Variants in MYBPH observed in about 807,000 individuals in gnomAD.
MYBPH encodes the protein myosin binding protein H, also known as myosin-binding protein H.
In MYBPH, 49 loss-of-function variants were observed where a neutral mutation model predicts 53.6. The observed-to-expected ratio is 0.91, with a 90% CI of 0.73 to 1.16. MYBPH has a LOEUF of 1.16. MYBPH is among the 50% of genes most tolerant of loss of function. MYBPH has a pLI of 0.00. For synonymous variants in MYBPH, 239 were observed against 249.6 expected (o/e 0.96, Z 0.40); for missense variants, 558 against 624.1 (o/e 0.89, Z 1.13).
intron 6 of MYBPH, 116 bp from the exon 7 acceptor site, chr1:203,170,566 A>C: frequency 7.3e-7 from 1 of 1,364,848 alleles, no homozygotes; most frequent in Non-Finnish European, 9.9e-7. Context: ...AGGATGCTGA[A>C]CCATCCAGCT....
chr1:203,169,518 A>C (rs1655655921), intron 7 of MYBPH, 129 bp from the exon 8 acceptor site: 294 of 1,300,126 alleles, frequency 2.3e-4, no homozygotes, highest in Non-Finnish European at 2.8e-4. Context: ...GGACAATCTC[A>C]AAGAGGCAGA....
intron 8 of MYBPH, 40 bp from the exon 9 acceptor site, chr1:203,169,132 C>T: frequency 6.2e-7 from 1 of 1,606,804 alleles, no homozygotes; most frequent in Non-Finnish European, 8.5e-7. Context: ...GAGGTATGGA[C>T]TGGGGCGGGG....
rs12070378 is a variant in MYBPH at position 203,171,426 on chromosome 1, C to G, written c.750G>C (p.Val250=). 7.0e-4 allele frequency: 1,128 copies of G among 1,613,960 alleles called. 4 individuals carry two copies. The African/African-American group carries it at 8.3e-3, about 12-fold the overall frequency. The part of the protein sequence containing the change: ...DSGRYELTVR[V]EDLEAKAVID... ...TGACTGCCTTGGCCTCCAGGTCTTC[C>G]ACGCGCACAGTGAGCTCGTAGCGGC... Residue 250 remains valine (V), a synonymous_variant, in exon 5 of 11, where the codon GTG becomes GTC. Coordinates refer to ENST00000255416, the MANE Select transcript of MYBPH (RefSeq NM_004997.3). The surrounding 1 kb of genome is among the most constrained non-coding windows in gnomAD (Gnocchi z 4.2).
chr1:203,174,593 C>G lies in MYBPH; in HGVS notation c.345G>C (p.Ser115=). 6.3e-7 allele frequency: 1 copy of G among 1,599,356 alleles called. No homozygotes were observed. Among genetic ancestry groups the G allele is most frequent in the East Asian group, 2.3e-5 (1 of 44,432 alleles). ...GCCGGGCACTCACAGGCACCCACTC[C>G]GAGGCTGAGGGGATGGAGAGAGTGT... ...YVLELCREGA[S]EWVPVSARPM... The change falls in exon 3 of 11, where the codon TCG becomes TCC. Residue 115 remains serine (S), a synonymous_variant. Coordinates refer to ENST00000255416, the MANE Select transcript of MYBPH (RefSeq NM_004997.3).
At chr1:203,170,209 CAGAG>C (rs1428548538) in intron 7 of MYBPH, 78 bp downstream of exon 7, 1 of 1,548,186 alleles carries the variant, frequency 6.5e-7, no homozygotes, top group Non-Finnish European at 8.8e-7. Flanking sequence ...AGGAGAAACC[CAGAG>C]AGAGGGGTGC....
chr1:203,170,865 C>T (rs1655680954), intron 6 of MYBPH, among the ~76,000 whole-genome samples, 196 bp downstream of exon 6: 1 of 152,220 alleles, frequency 6.6e-6, no homozygotes, highest in African/African-American at 2.4e-5. Flanking sequence ...CCGGGCCAGC[C>T]CTCTTCACAG....
In MYBPH at chr1:203,169,357, G is replaced by A. The variant is rs142613512; in HGVS notation, c.1126C>T (p.Arg376Ter). Residue 376 changes from arginine to a stop codon, truncating the protein, a stop_gained, in exon 8 of 11, where the codon CGA (arginine) becomes TGA (stop). Coordinates refer to ENST00000255416, the MANE Select transcript of MYBPH (RefSeq NM_004997.3). LOFTEE classifies it high-confidence loss of function. Reference protein sequence around the residue: ...IAAKPKGFIERDFSEAPSFTQ... With the variant: ...IAAKPKGFIE ...AATGAGGGGGCTTCTGAGAAGTCTC[G>A]CTCAATAAACCCTTTAGGTTTGGCA... The A allele has an allele frequency of 1.9e-5, 30 of 1,597,458 alleles. No individual in the cohort carries two copies. Among genetic ancestry groups the A allele is most frequent in the Middle Eastern group, 1.6e-4 (1 of 6,074 alleles).
In MYBPH at chr1:203,175,667, G is replaced by A; in HGVS notation, c.89C>T (p.Pro30Leu). 1 of 1,614,146 alleles carries A rather than the reference G, an allele frequency of 6.2e-7. No homozygotes were observed. The highest frequency in any genetic ancestry group is 8.5e-7 in the Non-Finnish European group (1 of 1,180,020). Residue 30 changes from proline (P) to leucine (L), a missense_variant, in exon 1 of 11, where the codon CCC becomes CTC. Transcript: ENST00000255416. The stretch of plus-strand genomic sequence containing the variant: ...GGACTCTGATACTGCCACTTCTCCG[G>A]GAGGCTCTGCTGTGGGCACCTTGGC... ...ESAKVPTAEP[P>L]GEVAVSESTR...
intron 6 of MYBPH, 113 bp from the exon 7 acceptor site, chr1:203,170,563 T>C: frequency 7.3e-7 from 1 of 1,376,566 alleles, no homozygotes; most frequent in Non-Finnish European, 9.8e-7. Context: ...CTTAGGATGC[T>C]GAACCATCCA....
chr1:203,168,886 TC>T lies in MYBPH; in HGVS notation c.1417+19del. On this transcript the variant is annotated intron_variant, in intron 9 of 10. Transcript: ENST00000255416. ...TCCAGAGAGGTGCTTACTCCTGTTC[TC>T]CCGTCCTCAAACTCTCACCTTTGAC... The T allele has an allele frequency of 6.2e-7, 1 of 1,613,200 alleles. No homozygotes were observed. The highest frequency in any genetic ancestry group is 8.5e-7 in the Non-Finnish European group (1 of 1,179,614).
At chr1:203,168,792 C>G in intron 9 of MYBPH, 114 bp downstream of exon 9, 2 of 1,585,604 alleles carry the variant, frequency 1.3e-6, no homozygotes, top group Non-Finnish European at 1.7e-6. Flanking sequence ...ATCAGCACAG[C>G]CTGACCCCAG....
At position 203,169,383 on chromosome 1, in the gene MYBPH, G is replaced by A. The variant is rs1245563065; in HGVS notation, c.1100C>T (p.Ala367Val). 6.4e-7 allele frequency: 1 copy of A among 1,569,822 alleles called. No individual in the cohort carries two copies. The highest frequency in any genetic ancestry group is 1.2e-5 in the South Asian group (1 of 86,410). Reference sequence around the variant, plus strand: ...CTCAATAAACCCTTTAGGTTTGGCAGCAATATCTGGGTTCAGGGGAGAAAG... The same window carrying A: ...CTCAATAAACCCTTTAGGTTTGGCAACAATATCTGGGTTCAGGGGAGAAAG... ...ELAHIQKADI[A>V]AKPKGFIERD... The change falls in exon 8 of 11, where the codon GCT becomes GTT. Residue 367 changes from alanine (A) to valine (V), a missense_variant. Physicochemically the swap from Ala to Val is moderately conservative, Grantham distance 64 (BLOSUM62 0). Transcript: ENST00000255416.
rs141623602 is a variant in MYBPH at position 203,172,867 on chromosome 1, C to T, written c.509-827G>A. Among the ~76,000 whole-genome samples, 411 of 152,164 alleles carry T rather than the reference C, an allele frequency of 2.7e-3. 1 individual carries two copies. The highest frequency in any genetic ancestry group is 4.7e-3 in the Non-Finnish European group (318 of 67,994). On this transcript the variant is annotated intron_variant, in intron 3 of 10. Transcript: ENST00000255416. The stretch of plus-strand genomic sequence containing the variant: ...AGCAGTTGGTTGGTGGCATGCAGGG[C>T]GGAGGAGGACAAGACAGTGAGAAGG...
At position 203,171,046 on chromosome 1, in the gene MYBPH, C is replaced by T. The variant is rs377409862; in HGVS notation, c.933+15G>A. 6.4e-7 allele frequency: 1 copy of T among 1,566,468 alleles called. No homozygotes were observed. The highest frequency in any genetic ancestry group is 8.6e-7 in the Non-Finnish European group (1 of 1,158,476). On this transcript the variant is annotated intron_variant, in intron 6 of 10. Transcript: ENST00000255416. This position sits in a 1 kb window ranked among gnomAD's most constrained non-coding sequence, Gnocchi z 4.2. Reference sequence around the variant, plus strand: ...ACTTCGTACCCCGACCCCACTTTGCCTCAGCCAGCCTCACCCCTGTCTTTT... The same window carrying T: ...ACTTCGTACCCCGACCCCACTTTGCTTCAGCCAGCCTCACCCCTGTCTTTT...
intron 6 of MYBPH, 51 bp from the exon 7 acceptor site, chr1:203,170,501 C>T: frequency 6.3e-7 from 1 of 1,586,586 alleles, no homozygotes; most frequent in Non-Finnish European, 8.6e-7. Context: ...CCTCACCCTC[C>T]CTGCTTACCC....
At chr1:203,179,019 G>C (rs1655869173), upstream of MYBPH, 1 of 159,140 alleles carries the variant, frequency 6.3e-6, no homozygotes. Context: ...CTAAGTGAAG[G>C]TTTCAAGCTG....
Position 203,171,330 on chromosome 1 carries a change from G to A in MYBPH, c.793+53C>T. 3 of 1,578,590 alleles carry A rather than the reference G, an allele frequency of 1.9e-6. No individual in the cohort carries two copies. The highest frequency in any genetic ancestry group is 2.6e-6 in the Non-Finnish European group (3 of 1,159,100). ...ATCAGCCATCAGCTCTGGGATAGGA[G>A]GTTGGGGGCTCCAGGTCCCCCATGA... is the stretch of plus-strand genomic sequence containing the variant. On this transcript the variant is annotated intron_variant, in intron 5 of 10. Coordinates refer to ENST00000255416, the MANE Select transcript of MYBPH (RefSeq NM_004997.3). The surrounding 1 kb of genome is among the most constrained non-coding windows in gnomAD (Gnocchi z 4.2).
chr1:203,175,432 G>T lies in MYBPH; in HGVS notation c.235C>A (p.Leu79Met). 2 of 1,568,312 alleles carry T rather than the reference G, an allele frequency of 1.3e-6. No individual in the cohort carries two copies. Among genetic ancestry groups the T allele is most frequent in the South Asian group, 1.2e-5 (1 of 83,192 alleles). ...DVPSAPLLLT[L>M]DDVSSSSVTV... is the part of the protein sequence containing the mutation. ...ACAGAGCTGCTGCTCACATCATCCAGGGTCAGCAGCAGTGGGGCACTGGGG... is the reference window on the plus strand; with the variant it reads ...ACAGAGCTGCTGCTCACATCATCCATGGTCAGCAGCAGTGGGGCACTGGGG... The change falls in exon 2 of 11, where the codon CTG (leucine) becomes ATG (methionine). Residue 79 changes from leucine to methionine, a missense_variant. Coordinates refer to ENST00000255416, the MANE Select transcript of MYBPH (RefSeq NM_004997.3).
At chr1:203,175,493 C>T (rs1047572625) in intron 1 of MYBPH, 32 bp from the exon 2 acceptor site, 1 of 1,609,390 alleles carries the variant, frequency 6.2e-7, no homozygotes, top group Non-Finnish European at 8.5e-7. Flanking sequence ...TGGCCAAGAG[C>T]TCCCCTCCAC....
Sources: gnomAD v4.1 joint callset for allele counts (sites outside exome capture counted in the v4.1 genomes callset) on GRCh38, gnomAD v4.1.1 for gene constraint, Gnocchi (gnomAD v3.1) non-coding constraint, MANE v1.5 for transcripts, NCBI Gene and HGNC (gene_info 2026-07-23, HGNC 2026-07-21) for gene names.